The following SLCO2A1 variants were observed in gnomAD, a reference collection of about 807,000 sequenced individuals.
The protein encoded by SLCO2A1 is solute carrier organic anion transporter family member 2A1, also known as matrin F/G 1.
In SLCO2A1, 60 loss-of-function variants were observed where a neutral mutation model predicts 71.7. That is an observed-to-expected ratio of 0.84 (90% CI 0.68 to 1.04). The LOEUF is 1.04. SLCO2A1 is among the 50% of genes least tolerant of loss of function. SLCO2A1 has a pLI of 0.00. For synonymous variants in SLCO2A1, 308 were observed against 326.7 expected (o/e 0.94, Z 0.62); for missense variants, 745 against 813.4 (o/e 0.92, Z 1.02).
At chr3:133,996,290 C>G (rs74538122) in intron 1 of SLCO2A1, among the ~76,000 whole-genome samples, 1 of 152,220 alleles carries the variant, frequency 6.6e-6, no homozygotes, top group Admixed American at 6.5e-5. Context: ...ACAACACACT[C>G]GGCCTTTTCA....
In SLCO2A1 at chr3:134,007,294, A is replaced by G. The variant is rs567999716; in HGVS notation, c.96+22413T>C. ...GCCTTCTCATTCTCTTGATTGTGTC[A>G]CTTGATGCACAGAAGTTTTAAATTT... On this transcript the variant is annotated intron_variant, in intron 1 of 13. Transcript: ENST00000310926. Among the ~76,000 whole-genome samples, 3 of 152,262 alleles carry G rather than the reference A, an allele frequency of 2.0e-5. No individual in the cohort carries two copies. In the South Asian group the frequency reaches 6.2e-4, roughly 32 times the overall value.
intron 9 of SLCO2A1, among the ~76,000 whole-genome samples, chr3:133,946,318 TAAA>T (rs778977970): frequency 9.9e-5 from 15 of 151,002 alleles, no homozygotes; most frequent in Non-Finnish European, 2.1e-4. Flanking sequence ...GGCAAAGTCT[TAAA>T]AAAAAGCTTG....
chr3:133,959,130 G>T (rs1933968988), intron 3 of SLCO2A1, among the ~76,000 whole-genome samples: 1 of 152,210 alleles, frequency 6.6e-6, no homozygotes, highest in African/African-American at 2.4e-5. Flanking sequence ...CGTCACAGGG[G>T]AAAAGGAGAA....
chr3:133,953,370 G>T (rs34087836), intron 5 of SLCO2A1, among the ~76,000 whole-genome samples: 2 of 152,278 alleles, frequency 1.3e-5, no homozygotes, highest in East Asian at 3.9e-4. Flanking sequence ...CAAGATGGGC[G>T]CTGTGGTGGC....
chr3:133,954,900 G>C (rs75095388), intron 4 of SLCO2A1, 66 bp downstream of exon 4: 1 of 1,311,950 alleles, frequency 7.6e-7, no homozygotes, highest in East Asian at 2.3e-5. Context: ...AGTGCCCCAG[G>C]GCCTCATCAA....
chr3:134,017,998 AAC>A (rs1294886048), intron 1 of SLCO2A1, among the ~76,000 whole-genome samples: 1 of 152,174 alleles, frequency 6.6e-6, no homozygotes, highest in African/African-American at 2.4e-5. Context: ...CGAAACATAC[AAC>A]ACTCTTCCAT....
chr3:133,985,317 C>T (rs1415006357), intron 1 of SLCO2A1, among the ~76,000 whole-genome samples: 1 of 152,204 alleles, frequency 6.6e-6, no homozygotes, highest in Non-Finnish European at 1.5e-5. Context: ...TTGTTTAAGT[C>T]AACCTTCCCA....
intron 1 of SLCO2A1, among the ~76,000 whole-genome samples, chr3:133,989,570 C>T (rs9852999): frequency 0.12 from 18,982 of 152,206 alleles, 1,430 homozygotes; most frequent in Non-Finnish European, 0.17. Flanking sequence ...CAATTCTTTC[C>T]ACATTTTATT....
chr3:133,953,823 C>G (rs771240346), intron 4 of SLCO2A1, 62 bp from the exon 5 acceptor site: 12 of 1,341,786 alleles, frequency 8.9e-6, no homozygotes, highest in African/African-American at 1.4e-5. Context: ...CAGCCTTGGG[C>G]TCCCAAGCTG....
intron 1 of SLCO2A1, among the ~76,000 whole-genome samples, chr3:134,025,216 CT>C (rs1935677210): frequency 1.3e-5 from 2 of 152,162 alleles, no homozygotes; most frequent in Admixed American, 1.3e-4. Context: ...CATCAAGTCA[CT>C]GAGGTAGGAC....
rs2108041623 is a variant in SLCO2A1 at position 133,947,353 on chromosome 3, T to C, written c.1198A>G (p.Ile400Val). 2.5e-6 allele frequency: 4 copies of C among 1,614,094 alleles called. No homozygotes were observed. Among genetic ancestry groups the C allele is most frequent in the Non-Finnish European group, 2.5e-6 (3 of 1,180,008 alleles). ...GAGATGGTGATGATGGTGGTAGCTA[T>C]GCGGGGAATGGCTTGTAGAGAGAAA... is the stretch of plus-strand genomic sequence containing the variant. Reference protein sequence around the residue: ...FVFSLQAIPRIATTIITISMI... With the variant: ...FVFSLQAIPRVATTIITISMI... The change falls in exon 9 of 14, where the codon ATA becomes GTA. Residue 400 changes from isoleucine to valine, a missense_variant. Transcript: ENST00000310926.
intron 10 of SLCO2A1, 23 bp from the exon 11 acceptor site, chr3:133,942,791 A>T: frequency 6.3e-7 from 1 of 1,580,014 alleles, no homozygotes; most frequent in Non-Finnish European, 8.6e-7. Context: ...GGGGAGGGAA[A>T]AAGGGGGAAA....
At position 133,942,385 on chromosome 3, in the gene SLCO2A1, A is replaced by G. The variant is rs1933447010; in HGVS notation, c.1625+220T>C. ...CTGTGGGACTGAATGAGGCCCTGCA[A>G]TGAGGAGCTCAGCACAGAGCCTCCC... On this transcript the variant is annotated intron_variant, in intron 11 of 13. Transcript: ENST00000310926. The G allele has an allele frequency of 5.7e-5, 28 of 493,722 alleles. 1 individual carries two copies. The South Asian group carries it at 9.6e-4, about 17-fold the overall frequency. The allele number at this position is 493,722 out of a possible 1,614,324, so 30.6% of individuals were successfully genotyped here. A position where few individuals can be genotyped will look rare whatever the true frequency, so the allele number is the denominator to read the frequency against.
intron 1 of SLCO2A1, among the ~76,000 whole-genome samples, chr3:133,992,231 C>A (rs925975977): frequency 5.9e-5 from 9 of 152,150 alleles, no homozygotes; most frequent in African/African-American, 2.2e-4. Context: ...TATTTTTGCA[C>A]CTTGTGTTAT....
intron 1 of SLCO2A1, among the ~76,000 whole-genome samples, chr3:134,011,290 C>A (rs1019500374): frequency 3.3e-5 from 5 of 152,182 alleles, no homozygotes; most frequent in African/African-American, 1.2e-4. Context: ...ACCTTGTGAT[C>A]CGCCCACCTT....
intron 2 of SLCO2A1, among the ~76,000 whole-genome samples, chr3:133,978,367 G>C (rs991168494): frequency 4.6e-5 from 7 of 152,180 alleles, no homozygotes; most frequent in African/African-American, 1.7e-4. Flanking sequence ...CGGGTTCCTT[G>C]TCTGAGAAAC....
chr3:133,976,677 A>T (rs2108056784), intron 2 of SLCO2A1, among the ~76,000 whole-genome samples: 1 of 151,974 alleles, frequency 6.6e-6, no homozygotes, highest in African/African-American at 2.4e-5. Flanking sequence ...CCCCTAAAAC[A>T]CTACCATGGA....
intron 1 of SLCO2A1, among the ~76,000 whole-genome samples, chr3:134,012,383 C>A (rs1366818665): frequency 6.6e-6 from 1 of 152,084 alleles, no homozygotes; most frequent in African/African-American, 2.4e-5. Flanking sequence ...ACAGGAGAAA[C>A]CTGGTACATG....
intron 1 of SLCO2A1, among the ~76,000 whole-genome samples, chr3:133,991,297 A>G (rs1051864811): frequency 1.3e-5 from 2 of 152,170 alleles, no homozygotes; most frequent in African/African-American, 4.8e-5. Flanking sequence ...AGTGCATTCT[A>G]GAATAAAAGC....
Sources: allele counts gnomAD v4.1 joint callset (sites outside exome capture counted in the v4.1 genomes callset), GRCh38; gene constraint gnomAD v4.1.1; transcripts MANE v1.5; gene names NCBI Gene and HGNC (gene_info 2026-07-23, HGNC 2026-07-21).